Variants in THSD4 observed in about 807,000 individuals in gnomAD.
The protein encoded by THSD4 is thrombospondin type-1 domain-containing protein 4.
In THSD4, 69 loss-of-function variants were observed where a neutral mutation model predicts 119.0. The observed-to-expected ratio is 0.58, with a 90% CI of 0.48 to 0.71. The LOEUF (loss-of-function observed/expected upper bound fraction) is 0.71, where lower values mean the gene tolerates loss of function less well. THSD4 is among the 30% of genes least tolerant of loss of function. The pLI is 0.00. For missense variants in THSD4, 1,393 were observed against 1,391.1 expected (o/e 1.00, Z -0.02); for synonymous variants, 524 against 540.4 (o/e 0.97, Z 0.42).
intron 6 of THSD4, among the ~76,000 whole-genome samples, chr15:71,307,793 A>G (rs894612209): frequency 1.3e-5 from 2 of 152,170 alleles, no homozygotes; most frequent in African/African-American, 4.8e-5. Flanking sequence ...AAATGCTTTC[A>G]TACTCACACT....
At chr15:71,388,724 G>C (rs746676310) in intron 6 of THSD4, among the ~76,000 whole-genome samples, 15 of 151,182 alleles carry the variant, frequency 9.9e-5, no homozygotes, top group Non-Finnish European at 2.2e-4. Context: ...ATGTTTGTAT[G>C]GACTCAGGCA....
intron 3 of THSD4, among the ~76,000 whole-genome samples, chr15:71,160,295 T>C (rs1468604614): frequency 3.9e-5 from 6 of 152,078 alleles, no homozygotes; most frequent in Non-Finnish European, 7.4e-5. Context: ...GTTGTATCCT[T>C]GTCTGGTTTT....
intron 8 of THSD4, among the ~76,000 whole-genome samples, chr15:71,680,746 G>A (rs2051756896): frequency 1.3e-5 from 2 of 152,154 alleles, no homozygotes; most frequent in African/African-American, 4.8e-5. Context: ...CCTTCAGTCA[G>A]TTACCTGACC....
At chr15:71,391,119 C>T (rs1004363570) in intron 6 of THSD4, among the ~76,000 whole-genome samples, 5 of 151,756 alleles carry the variant, frequency 3.3e-5, no homozygotes, top group Non-Finnish European at 5.9e-5. Flanking sequence ...AGCTCCGCCT[C>T]CCGGGTTCAC....
At chr15:71,198,514 A>G (rs1189949685) in intron 3 of THSD4, among the ~76,000 whole-genome samples, 2 of 152,216 alleles carry the variant, frequency 1.3e-5, no homozygotes, top group East Asian at 1.9e-4. Flanking sequence ...GGGGTCACCC[A>G]TTCCTCCCCT....
intron 4 of THSD4, among the ~76,000 whole-genome samples, chr15:71,241,343 A>G (rs570777823): frequency 6.6e-6 from 1 of 152,346 alleles, no homozygotes; most frequent in African/African-American, 2.4e-5. Flanking sequence ...CTCAACTCTA[A>G]TGCCAGTGAA....
At chr15:71,557,906 C>T (rs991512101) in intron 7 of THSD4, among the ~76,000 whole-genome samples, 14 of 152,096 alleles carry the variant, frequency 9.2e-5, no homozygotes, top group African/African-American at 3.4e-4. Context: ...TACTAATCTT[C>T]ATAAAAAAAT....
At chr15:71,164,858 T>C in intron 3 of THSD4, 2 of 1,577,160 alleles carry the variant, frequency 1.3e-6, no homozygotes, top group African/African-American at 1.4e-5. Context: ...ATCTTCCTCC[T>C]CTTCCTTCTT....
intron 6 of THSD4, among the ~76,000 whole-genome samples, chr15:71,330,638 G>A (rs2045408810): frequency 6.6e-6 from 1 of 152,188 alleles, no homozygotes; most frequent in South Asian, 2.1e-4. Flanking sequence ...TGTCTGGCAT[G>A]CAGTAAACCC....
chr15:71,181,271 A>G (rs2043522453), intron 3 of THSD4, among the ~76,000 whole-genome samples: 1 of 152,250 alleles, frequency 6.6e-6, no homozygotes, highest in Non-Finnish European at 1.5e-5. Context: ...ACTGGAGTAA[A>G]GAGACCTTAT....
intron 6 of THSD4, among the ~76,000 whole-genome samples, chr15:71,310,399 C>T (rs1020769736): frequency 7.9e-5 from 12 of 152,192 alleles, no homozygotes; most frequent in African/African-American, 2.9e-4. Context: ...AACATGTGTA[C>T]ATAGGTCCCT....
chr15:71,568,935 C>G lies in THSD4; in HGVS notation c.1153-91595C>G, dbSNP rs182986061. On this transcript the variant is annotated intron_variant, in intron 7 of 17. Coordinates refer to ENST00000261862, the MANE Select transcript of THSD4 (RefSeq NM_024817.3). ...TCCTCCTATGCATGATTTTTGTTAA[C>G]TTTTTTACTGCTTGTCTATAGAGTA... Among the ~76,000 whole-genome samples, 14 of 152,240 alleles carry G rather than the reference C, an allele frequency of 9.2e-5. No individual in the cohort carries two copies. In the East Asian group the frequency reaches 2.7e-3, roughly 29 times the overall value.
intron 7 of THSD4, among the ~76,000 whole-genome samples, chr15:71,556,805 G>A (rs2049025736): frequency 6.7e-6 from 1 of 150,156 alleles, no homozygotes; most frequent in Admixed American, 6.7e-5. Flanking sequence ...TATCAAAACA[G>A]CTTTCTAAAC....
intron 7 of THSD4, among the ~76,000 whole-genome samples, chr15:71,474,569 C>T (rs2047630730): frequency 6.6e-6 from 1 of 152,136 alleles, no homozygotes; most frequent in Non-Finnish European, 1.5e-5. Flanking sequence ...TGGTTTCATG[C>T]AACCAGTCCA....
At chr15:71,624,800 A>G (rs1467711533) in intron 7 of THSD4, among the ~76,000 whole-genome samples, 1 of 152,180 alleles carries the variant, frequency 6.6e-6, no homozygotes, top group African/African-American at 2.4e-5. Context: ...GCCTGCAGAG[A>G]AAGCCATGTG....
intron 7 of THSD4, among the ~76,000 whole-genome samples, chr15:71,425,346 A>G (rs1350681140): frequency 6.6e-6 from 1 of 152,214 alleles, no homozygotes; most frequent in African/African-American, 2.4e-5. Context: ...TCAGAATAGA[A>G]AGAGTTGTTT....
At chr15:71,729,847 TGA>T (rs904373847) in intron 9 of THSD4, 1 of 151,446 alleles carries the variant, frequency 6.6e-6, no homozygotes, top group African/African-American at 2.4e-5. Context: ...GAAGATTGTG[TGA>T]AAAGGGAGTG....
intron 7 of THSD4, among the ~76,000 whole-genome samples, chr15:71,467,513 G>T (rs963398286): frequency 6.6e-6 from 1 of 152,174 alleles, no homozygotes; most frequent in Non-Finnish European, 1.5e-5. Context: ...AGGCCTGTTT[G>T]TTCAGATTCT....
At chr15:71,549,775 C>T (rs2048898983) in intron 7 of THSD4, 3 of 152,404 alleles carry the variant, frequency 2.0e-5, no homozygotes, top group South Asian at 2.1e-4. Context: ...GCTGTGTTCT[C>T]CACGTGGGGC....
Sources: allele counts gnomAD v4.1 joint callset (sites outside exome capture counted in the v4.1 genomes callset), GRCh38; gene constraint gnomAD v4.1.1; transcripts MANE v1.5; gene names NCBI Gene and HGNC (gene_info 2026-07-23, HGNC 2026-07-21).